Variants in CYP46A1 observed in about 807,000 individuals in gnomAD.
CYP46A1 encodes cytochrome P450 family 46 subfamily A member 1, also known as cholesterol 24-hydroxylase.
CYP46A1 carries 20 observed loss-of-function variants against 63.3 expected under a neutral mutation model. The observed-to-expected ratio is 0.32, with a 90% CI of 0.22 to 0.46. The LOEUF (loss-of-function observed/expected upper bound fraction) is 0.46, where lower values mean the gene tolerates loss of function less well. Among genes scored for constraint, CYP46A1 ranks in the 20% least tolerant of loss-of-function variants. CYP46A1 has a pLI of 1.00. For synonymous variants in CYP46A1, 268 were observed against 273.6 expected, an observed-to-expected ratio of 0.98 and a Z score of 0.20; for missense variants, 445 against 670.8, an observed-to-expected ratio of 0.66 and a Z score of 3.72.
intron 5 of CYP46A1, chr14:99,703,920 T>A (rs1344360504): frequency 9.2e-6 from 9 of 975,966 alleles, no homozygotes; most frequent in African/African-American, 1.8e-5. Flanking sequence ...GAGACATTTA[T>A]TTAAGAAATA....
intron 7 of CYP46A1, chr14:99,711,483 T>G (rs568641127): frequency 1.3e-5 from 2 of 152,006 alleles, no homozygotes; most frequent in South Asian, 4.2e-4. Context: ...AAAGGAACAT[T>G]ACAGATTTTT....
In CYP46A1 at chr14:99,684,523, C is replaced by T; in HGVS notation, c.106C>T (p.Pro36Ser). 6.8e-7 allele frequency: 1 copy of T among 1,470,820 alleles called. No homozygotes were observed. The highest frequency in any genetic ancestry group is 9.0e-7 in the Non-Finnish European group (1 of 1,115,880). 91.1% of individuals were successfully genotyped at this position (1,470,820 alleles called of 1,614,324 possible). Residue 36 changes from proline (P) to serine (S), a missense_variant, in exon 1 of 15, where the codon CCG becomes TCG. Coordinates refer to ENST00000261835, the MANE Select transcript of CYP46A1 (RefSeq NM_006668.2). The part of the protein sequence containing the change: ...ARSRYEHIPG[P>S]PRPSFLLGHL... ...CAGCCGCTACGAGCACATCCCCGGG[C>T]CGCCGCGGCCCAGGTGAGCGGGGCT...
intron 3 of CYP46A1, among the ~76,000 whole-genome samples, chr14:99,697,137 T>C (rs2056593654): frequency 6.6e-6 from 1 of 152,248 alleles, no homozygotes; most frequent in Admixed American, 6.5e-5. Flanking sequence ...AGAAGTTGTT[T>C]TGGCCAGTCT....
At chr14:99,724,421 T>C (rs1238242166) in intron 12 of CYP46A1, among the ~76,000 whole-genome samples, 1 of 152,200 alleles carries the variant, frequency 6.6e-6, no homozygotes, top group Non-Finnish European at 1.5e-5. Flanking sequence ...TCTTTTTTAA[T>C]GCTCCTGTAC....
intron 7 of CYP46A1, chr14:99,709,401 GAATAAA>G (rs2056709448): frequency 6.6e-6 from 1 of 152,120 alleles, no homozygotes; most frequent in Non-Finnish European, 1.5e-5. Context: ...TCAGTGAATA[GAATAAA>G]AATATAATTG....
intron 7 of CYP46A1, chr14:99,711,932 T>C (rs1566832296): frequency 6.6e-6 from 1 of 152,132 alleles, no homozygotes; most frequent in Non-Finnish European, 1.5e-5. Flanking sequence ...AAAAGGTAAT[T>C]CACCATGATT....
rs2056680601 is a variant in CYP46A1 at position 99,706,805 on chromosome 14, C to T, written c.582+20C>T. 6.2e-7 allele frequency: 1 copy of T among 1,609,994 alleles called. No individual in the cohort carries two copies. The highest frequency in any genetic ancestry group is 2.1e-4 in the Middle Eastern group (1 of 4,768). On this transcript the variant is annotated intron_variant, in intron 6 of 14. Transcript: ENST00000261835. Reference sequence around the variant, plus strand: ...GCCAAGGTGATGGGTGACAGTCGGGCATGGGGGCCAGGAGGGCCACATGGG... The same window carrying T: ...GCCAAGGTGATGGGTGACAGTCGGGTATGGGGGCCAGGAGGGCCACATGGG...
At chr14:99,684,736 G>A (rs577803413) in intron 1 of CYP46A1, 200 bp downstream of exon 1, 9 of 646,720 alleles carry the variant, frequency 1.4e-5, no homozygotes, top group South Asian at 9.1e-5. Flanking sequence ...CGCCCACCGC[G>A]CACAGCTGGG....
chr14:99,706,321 G>C, intron 5 of CYP46A1: 1 of 236,660 alleles, frequency 4.2e-6, no homozygotes, highest in Non-Finnish European at 8.3e-6. Flanking sequence ...ATGGACTGTA[G>C]GAGGCCCAAA....
At chr14:99,712,764 A>G (rs1269634291) in intron 7 of CYP46A1, 1 of 152,206 alleles carries the variant, frequency 6.6e-6, no homozygotes, top group Non-Finnish European at 1.5e-5. Context: ...TCAAAATACC[A>G]ATGACATTCT....
intron 11 of CYP46A1, 30 bp from the exon 12 acceptor site, chr14:99,721,926 C>A: frequency 6.3e-7 from 1 of 1,580,704 alleles, no homozygotes; most frequent in South Asian, 1.1e-5. Context: ...TCCCGACTCT[C>A]CTTGTTATCT....
intron 2 of CYP46A1, 51 bp from the exon 3 acceptor site, chr14:99,691,729 G>T (rs1237195727): frequency 6.4e-7 from 1 of 1,568,296 alleles, no homozygotes; most frequent in Non-Finnish European, 8.8e-7. Context: ...GGTTGGTGAT[G>T]GTCATACCTC....
intron 5 of CYP46A1, among the ~76,000 whole-genome samples, chr14:99,702,987 A>G (rs1471836195): frequency 6.6e-6 from 1 of 152,174 alleles, no homozygotes; most frequent in Non-Finnish European, 1.5e-5. Context: ...AACAGTTCTC[A>G]GCCTTTCTTT....
At chr14:99,705,462 C>T (rs1277024483) in intron 5 of CYP46A1, among the ~76,000 whole-genome samples, 1 of 152,178 alleles carries the variant, frequency 6.6e-6, no homozygotes, top group South Asian at 2.1e-4. Flanking sequence ...TCCTCCTGCT[C>T]TCGCCTTCCA....
At chr14:99,701,614 A>G (rs1484577548) in intron 5 of CYP46A1, among the ~76,000 whole-genome samples, 1 of 152,238 alleles carries the variant, frequency 6.6e-6, no homozygotes, top group Non-Finnish European at 1.5e-5. Flanking sequence ...TCGTTAAGTA[A>G]CACATGACTG....
chr14:99,716,108 T>C lies in CYP46A1; in HGVS notation c.845-29T>C, dbSNP rs776393885. On this transcript the variant is annotated intron_variant, in intron 8 of 14. Coordinates refer to ENST00000261835, the MANE Select transcript of CYP46A1 (RefSeq NM_006668.2). The stretch of plus-strand genomic sequence containing the variant: ...ATGGGGAAAGGGAGCAAAGATTTGC[T>C]GGGAACTGAGACTCTCCTTGTTTTT... 88 of 1,613,934 alleles carry C rather than the reference T, an allele frequency of 5.5e-5. No homozygotes were observed. In the Admixed American group the frequency reaches 1.0e-3, roughly 19 times the overall value.
In CYP46A1 at chr14:99,715,769, G is replaced by C. The variant is rs534640913; in HGVS notation, c.694-41G>C. 5.0e-6 allele frequency: 8 copies of C among 1,613,696 alleles called. 1 individual carries two copies. The South Asian group carries it at 8.8e-5, about 18-fold the overall frequency. On this transcript the variant is annotated intron_variant, in intron 7 of 14. Transcript: ENST00000261835. ...GTGGGGGAGAGGGGAGAGGGAACAT[G>C]CGTGTTCACTTGGCCATCTGGAGCT...
chr14:99,721,339 G>A lies in CYP46A1; in HGVS notation c.1065+16G>A. 6.4e-7 allele frequency: 1 copy of A among 1,566,636 alleles called. No homozygotes were observed. The highest frequency in any genetic ancestry group is 8.8e-7 in the Non-Finnish European group (1 of 1,136,592). ...CCTGTCCCAGGTGTGGGAAGTAGGA[G>A]GGAAGCTTCTGGGCGGATGTGGGTG... On this transcript the variant is annotated intron_variant, in intron 11 of 14. Transcript: ENST00000261835.
intron 9 of CYP46A1, 104 bp downstream of exon 9, chr14:99,716,303 C>T: frequency 8.3e-7 from 1 of 1,205,564 alleles, no homozygotes; most frequent in African/African-American, 1.5e-5. Flanking sequence ...GCTATCTGAG[C>T]AGAGCTCACC....
Sources: allele counts gnomAD v4.1 joint callset (sites outside exome capture counted in the v4.1 genomes callset), GRCh38; gene constraint gnomAD v4.1.1; transcripts MANE v1.5; gene names NCBI Gene and HGNC (gene_info 2026-07-23, HGNC 2026-07-21).